Variants in ZDHHC7 observed in about 807,000 individuals in gnomAD.
ZDHHC7 encodes palmitoyltransferase ZDHHC7.
A neutral mutation model predicts 34.1 loss-of-function variants in ZDHHC7; 12 were observed. That is an observed-to-expected ratio of 0.35 (90% CI 0.23 to 0.57). The LOEUF (loss-of-function observed/expected upper bound fraction) is 0.57. Ranked by LOEUF, ZDHHC7 falls within the 20% of genes least tolerant of loss-of-function variation. The pLI, the probability that ZDHHC7 is intolerant of heterozygous loss-of-function variation, is 0.84. For missense variants in ZDHHC7, 388 were observed against 402.7 expected (o/e 0.96, Z 0.31); for synonymous variants, 185 against 155.4 (o/e 1.19, Z -1.42).
chr16:85,010,389 A>G (rs940626899), intron 1 of ZDHHC7, among the ~76,000 whole-genome samples: 13 of 152,230 alleles, frequency 8.5e-5, no homozygotes, highest in Non-Finnish European at 1.6e-4. Context: ...ACATAACAAA[A>G]AAGAGATTCT....
chr16:84,983,784 G>A (rs181731131), intron 3 of ZDHHC7, among the ~76,000 whole-genome samples: 10 of 151,914 alleles, frequency 6.6e-5, no homozygotes, highest in African/African-American at 2.2e-4. Flanking sequence ...GGTGGATCAC[G>A]AGGTTAGGAG....
At chr16:84,990,728 A>C in intron 2 of ZDHHC7, 93 bp from the exon 3 acceptor site, 8 of 1,042,930 alleles carry the variant, frequency 7.7e-6, no homozygotes, top group Non-Finnish European at 1.1e-5. Flanking sequence ...TGGCCATTTC[A>C]TGAAGTTAGT....
chr16:84,982,194 A>C (rs2030553132), intron 3 of ZDHHC7, 200 bp from the exon 4 acceptor site: 1 of 505,902 alleles, frequency 2.0e-6, no homozygotes, highest in Non-Finnish European at 3.3e-6. Context: ...AGATACAAAA[A>C]ATTAGCCAGG....
At chr16:84,985,420 C>T (rs1029024116) in intron 3 of ZDHHC7, among the ~76,000 whole-genome samples, 1 of 152,190 alleles carries the variant, frequency 6.6e-6, no homozygotes, top group Non-Finnish European at 1.5e-5. Context: ...AGAATGGGGC[C>T]GGGCCTGTGG....
At chr16:84,979,954 T>G (rs1449435746) in intron 4 of ZDHHC7, among the ~76,000 whole-genome samples, 46 of 142,282 alleles carry the variant, frequency 3.2e-4, no homozygotes, top group African/African-American at 8.9e-4. Context: ...GTCACCTTTT[T>G]TTTTTTTTTT....
chr16:84,984,205 G>A (rs886962234), intron 3 of ZDHHC7, among the ~76,000 whole-genome samples: 4 of 151,856 alleles, frequency 2.6e-5, no homozygotes, highest in Non-Finnish European at 4.4e-5. Context: ...ATTTTTAGTA[G>A]AGACGGGGTT....
chr16:85,017,459 C>G, the ZDHHC7 span, among the ~76,000 whole-genome samples: 1 of 152,174 alleles, frequency 6.6e-6, no homozygotes, highest in African/African-American at 2.4e-5. Context: ...GCTGCTCAAA[C>G]TGAACATGCA....
At chr16:84,985,811 C>T (rs540424378) in intron 3 of ZDHHC7, among the ~76,000 whole-genome samples, 4 of 151,946 alleles carry the variant, frequency 2.6e-5, no homozygotes, top group African/African-American at 9.7e-5. Context: ...AAAAACTAGC[C>T]GGGCATGGTG....
At chr16:84,986,059 G>C (rs952442352) in intron 3 of ZDHHC7, among the ~76,000 whole-genome samples, 1 of 151,832 alleles carries the variant, frequency 6.6e-6, no homozygotes, top group Non-Finnish European at 1.5e-5. Context: ...CCGGTATTGA[G>C]GTTATGTTTT....
At chr16:84,992,622 G>C (rs2072526062) in intron 2 of ZDHHC7, among the ~76,000 whole-genome samples, 1 of 152,202 alleles carries the variant, frequency 6.6e-6, no homozygotes, top group Non-Finnish European at 1.5e-5. Context: ...ATTTCACCTA[G>C]CTTTGCCATG....
chr16:85,008,948 G>C (rs140770539), intron 1 of ZDHHC7, among the ~76,000 whole-genome samples: 18 of 151,754 alleles, frequency 1.2e-4, no homozygotes, highest in African/African-American at 4.1e-4. Context: ...GGGAGGCTGA[G>C]GCAGGAGAAT....
At position 84,976,438 on chromosome 16, in the gene ZDHHC7, G is replaced by C; in HGVS notation, c.832C>G (p.Pro278Ala). The change falls in exon 8 of 8, where the codon CCC (proline) becomes GCC (alanine). Residue 278 changes from proline (P) to alanine (A), a missense_variant. By Grantham distance (27) the Pro-to-Ala change is conservative. Coordinates refer to ENST00000313732, the MANE Select transcript of ZDHHC7 (RefSeq NM_017740.3). ...WEGMKSVFGGPPSLLWMNPFV... is the reference protein window; with the variant it reads ...WEGMKSVFGGAPSLLWMNPFV... The stretch of plus-strand genomic sequence containing the variant: ...GGATTCATCCAGAGGAGTGAGGGGG[G>C]CCCCCCAAAGACGGACTTCATCCCT... 5.6e-6 allele frequency: 9 copies of C among 1,614,026 alleles called. No individual in the cohort carries two copies. Among genetic ancestry groups the C allele is most frequent in the African/African-American group, 1.3e-5 (1 of 75,030 alleles).
At position 84,979,249 on chromosome 16, in the gene ZDHHC7, G is replaced by A; in HGVS notation, c.477C>T (p.His159=). The change falls in exon 5 of 8, where the codon CAC becomes CAT. Residue 159 remains histidine (H), a synonymous_variant. Coordinates refer to ENST00000313732, the MANE Select transcript of ZDHHC7 (RefSeq NM_017740.3). ...CKRCIRKMDH[H]CPWVNNCVGE... ...CTACACAATTGTTCACCCACGGGCA[G>A]TGATGATCCATTTTCCGAATACATC... 9 of 1,609,850 alleles carry A rather than the reference G, an allele frequency of 5.6e-6. No individual in the cohort carries two copies. The highest frequency in any genetic ancestry group is 7.6e-6 in the Non-Finnish European group (9 of 1,179,324).
rs760967905 is a variant in ZDHHC7, at chr16:84,977,079, C to T, written c.750+16G>A. On this transcript the variant is annotated intron_variant, in intron 7 of 7. Coordinates refer to ENST00000313732, the MANE Select transcript of ZDHHC7 (RefSeq NM_017740.3). ...GGACCACATATGAAGTCCACACAGC[C>T]GAGAACAAAGCTTACCGTCTCGTCG... 7 of 1,613,758 alleles carry T rather than the reference C, an allele frequency of 4.3e-6. No homozygotes were observed. Among genetic ancestry groups the T allele is most frequent in the Admixed American group, 3.3e-5 (2 of 59,990 alleles).
chr16:84,977,270 G>A (rs141276171), intron 6 of ZDHHC7, 45 bp from the exon 7 acceptor site: 66 of 1,603,672 alleles, frequency 4.1e-5, no homozygotes, highest in East Asian at 6.7e-5. Flanking sequence ...TGAATACCCC[G>A]AGTGGCAGAA....
intron 1 of ZDHHC7, among the ~76,000 whole-genome samples, chr16:85,001,470 C>CGAAAAAAAAAAAAAAAAAAA (rs2072651835): frequency 1.0e-5 from 1 of 95,392 alleles, no homozygotes; most frequent in Non-Finnish European, 1.9e-5. Context: ...GACCCTGTCT[C>CGAAAAAAAAAAAAAAAAAAA]AAAAAAAAAA....
the ZDHHC7 span, among the ~76,000 whole-genome samples, chr16:85,027,303 G>A: frequency 6.6e-6 from 1 of 151,786 alleles, no homozygotes; most frequent in Non-Finnish European, 1.5e-5. Context: ...TCAAAGCCTC[G>A]CTGGACTAAT....
chr16:85,018,445 T>C, the ZDHHC7 span, among the ~76,000 whole-genome samples: 1 of 137,690 alleles, frequency 7.3e-6, no homozygotes, highest in South Asian at 2.3e-4. Context: ...TACACTTATT[T>C]GTATTCTTTT....
At chr16:84,977,259 C>G (rs1240889168) in intron 6 of ZDHHC7, 34 bp from the exon 7 acceptor site, 1 of 1,608,794 alleles carries the variant, frequency 6.2e-7, no homozygotes, top group Admixed American at 1.7e-5. Flanking sequence ...ATAACTGGTC[C>G]TGAATACCCC....
Sources: gnomAD v4.1 joint callset for allele counts (sites outside exome capture counted in the v4.1 genomes callset) on GRCh38, gnomAD v4.1.1 for gene constraint, MANE v1.5 for transcripts, NCBI Gene and HGNC (gene_info 2026-07-23, HGNC 2026-07-21) for gene names.